AGPS: variants seen among roughly 807,000 people sequenced by gnomAD.
AGPS encodes the protein alkylglycerone phosphate synthase.
In AGPS, 26 loss-of-function variants were observed where a neutral mutation model predicts 90.7. The ratio of observed to expected loss-of-function variants is 0.29; its 90% CI spans 0.21 to 0.40. The LOEUF (loss-of-function observed/expected upper bound fraction) is 0.40. Ranked by LOEUF, AGPS falls within the 10% of genes least tolerant of loss-of-function variation. The pLI is 1.00. For missense variants in AGPS, 540 were observed against 816.1 expected, an observed-to-expected ratio of 0.66 and a Z score of 4.12; for synonymous variants, 294 against 285.3, an observed-to-expected ratio of 1.03 and a Z score of -0.31.
At chr2:177,460,733 A>C (rs1049803992) in intron 8 of AGPS, among the ~76,000 whole-genome samples, 4 of 152,190 alleles carry the variant, frequency 2.6e-5, no homozygotes, top group Non-Finnish European at 1.5e-5. Context: ...ACAGTCTGAT[A>C]ATCTTCATTT....
rs114000397 is a variant in AGPS, at chr2:177,497,809, A to G, written c.1362+44A>G. 6,739 of 1,097,704 alleles carry G rather than the reference A, an allele frequency of 6.1e-3. 31 individuals carry two copies. The highest frequency in any genetic ancestry group is 9.1e-3 in the Middle Eastern group (41 of 4,524). The allele number at this position is 1,097,704 out of a possible 1,614,324, so 68.0% of individuals were successfully genotyped here. A position where few individuals can be genotyped will look rare whatever the true frequency, so the allele number is the denominator to read the frequency against. On this transcript the variant is annotated intron_variant, in intron 13 of 19. Transcript: ENST00000264167. ...TGCTAAAATTGTAAATGCTTAAGAT[A>G]TCTGTTTTCTGCTTTCTTCCCACAT...
intron 4 of AGPS, 32 bp from the exon 5 acceptor site, chr2:177,436,948 T>C: frequency 1.2e-6 from 2 of 1,611,928 alleles, no homozygotes; most frequent in Non-Finnish European, 1.7e-6. Context: ...TAAGCTGTTT[T>C]TGTGTTTTTC....
chr2:177,518,127 C>T (rs1294789873), intron 17 of AGPS, among the ~76,000 whole-genome samples: 1 of 152,074 alleles, frequency 6.6e-6, no homozygotes, highest in Non-Finnish European at 1.5e-5. Flanking sequence ...TATTTTTCCC[C>T]ATTGTATTTA....
At chr2:177,524,306 T>A (rs2079060813) in intron 19 of AGPS, among the ~76,000 whole-genome samples, 1 of 152,222 alleles carries the variant, frequency 6.6e-6, no homozygotes, top group Non-Finnish European at 1.5e-5. Context: ...TACTTAGTGG[T>A]CATTTTGGTA....
intron 10 of AGPS, among the ~76,000 whole-genome samples, chr2:177,477,472 A>G (rs908722403): frequency 1.3e-5 from 2 of 152,138 alleles, no homozygotes; most frequent in African/African-American, 4.8e-5. Flanking sequence ...ATGCTCCAAA[A>G]TTTGAGACTT....
intron 11 of AGPS, among the ~76,000 whole-genome samples, chr2:177,484,069 T>C (rs551517011): frequency 6.6e-6 from 1 of 151,984 alleles, no homozygotes; most frequent in East Asian, 1.9e-4. Flanking sequence ...ACACAGATGT[T>C]TCCATATATA....
At chr2:177,428,328 AG>A (rs1276295324) in intron 2 of AGPS, among the ~76,000 whole-genome samples, 4 of 152,096 alleles carry the variant, frequency 2.6e-5, no homozygotes, top group Non-Finnish European at 4.4e-5. Flanking sequence ...TTTACATTTA[AG>A]GTTTTTATTA....
intron 2 of AGPS, among the ~76,000 whole-genome samples, chr2:177,420,879 A>G (rs951443308): frequency 1.3e-5 from 2 of 151,910 alleles, no homozygotes; most frequent in African/African-American, 4.8e-5. Context: ...ATAGTATTTT[A>G]AAAAATTAGC....
rs190501032 is a variant in AGPS at position 177,408,696 on chromosome 2, A to G, written c.261-11573A>G. Among the ~76,000 whole-genome samples the G allele has an allele frequency of 1.5e-3, 228 of 152,308 alleles. 2 individuals carry two copies. Among genetic ancestry groups the G allele is most frequent in the Non-Finnish European group, 1.5e-4 (10 of 68,018 alleles). On this transcript the variant is annotated intron_variant, in intron 1 of 19. Coordinates refer to ENST00000264167, the MANE Select transcript of AGPS (RefSeq NM_003659.4). The stretch of plus-strand genomic sequence containing the variant: ...TCCTCTCCTATAGTGAAGTGAATTT[A>G]AAGTTTTTCCTTTCCGTTTCTCTCT...
rs557931141 is a variant in AGPS at position 177,392,824 on chromosome 2, G to C, written c.35G>C (p.Gly12Ala). The C allele has an allele frequency of 1.3e-6, 2 of 1,551,206 alleles. No individual in the cohort carries two copies. Among genetic ancestry groups the C allele is most frequent in the South Asian group, 1.2e-5 (1 of 84,080 alleles). ...AEAAAAAGGT[G>A]LGAGASYGSA... The stretch of plus-strand genomic sequence containing the variant: ...GCGGCGGCTGCAGCGGGTGGGACTG[G>C]CTTGGGCGCGGGCGCGAGCTACGGG... The change falls in exon 1 of 20, where the codon GGC becomes GCC. Residue 12 changes from glycine to alanine, a missense_variant. Gly to Ala is a moderately conservative substitution (Grantham distance 60). This residue lies in a region of AGPS where 135 missense variants were observed against 124.0 expected (regional missense o/e 1.09). Transcript: ENST00000264167.
chr2:177,524,615 T>C (rs2079064755), intron 19 of AGPS, among the ~76,000 whole-genome samples: 1 of 152,124 alleles, frequency 6.6e-6, no homozygotes, highest in Non-Finnish European at 1.5e-5. Flanking sequence ...ATTCAACTGC[T>C]CTGGACTCCT....
chr2:177,406,898 A>G (rs1685481923), intron 1 of AGPS, among the ~76,000 whole-genome samples: 1 of 152,318 alleles, frequency 6.6e-6, no homozygotes, highest in Admixed American at 6.5e-5. Context: ...AAATTTTACC[A>G]TCTTCCAAAG....
intron 8 of AGPS, among the ~76,000 whole-genome samples, chr2:177,461,109 G>A (rs1317889391): frequency 6.6e-6 from 1 of 152,178 alleles, no homozygotes; most frequent in African/African-American, 2.4e-5. Flanking sequence ...AGATTGATGG[G>A]CTTGAGTGTA....
At chr2:177,421,459 A>C (rs1685938803) in intron 2 of AGPS, among the ~76,000 whole-genome samples, 1 of 152,026 alleles carries the variant, frequency 6.6e-6, no homozygotes, top group South Asian at 2.1e-4. Context: ...TATTTTTCTG[A>C]CATTAATATT....
chr2:177,467,027 T>C (rs1687475784), intron 9 of AGPS, among the ~76,000 whole-genome samples: 1 of 152,208 alleles, frequency 6.6e-6, no homozygotes, highest in South Asian at 2.1e-4. Context: ...GGCTTCCACC[T>C]GTTTCCAGCT....
intron 14 of AGPS, among the ~76,000 whole-genome samples, chr2:177,504,684 A>G (rs1285189303): frequency 1.3e-5 from 2 of 152,106 alleles, no homozygotes; most frequent in African/African-American, 4.8e-5. Context: ...AAAATATTTA[A>G]TTATAAGGTG....
intron 2 of AGPS, among the ~76,000 whole-genome samples, chr2:177,431,540 T>C (rs1686244698): frequency 6.6e-6 from 1 of 152,174 alleles, no homozygotes; most frequent in Non-Finnish European, 1.5e-5. Context: ...TTTCAGTCCT[T>C]ATCTCAACTG....
intron 16 of AGPS, 26 bp from the exon 17 acceptor site, chr2:177,513,793 T>C (rs1343074021): frequency 1.3e-6 from 2 of 1,545,930 alleles, no homozygotes; most frequent in South Asian, 2.2e-5. Context: ...GAAAACTTAA[T>C]ATTGTATTCA....
In AGPS at chr2:177,541,689, T is replaced by C. The variant is rs1016738425; in HGVS notation, c.*3494T>C. On this transcript the variant is annotated 3_prime_UTR_variant, in exon 20 of 20. Transcript: ENST00000264167. ...GAAAATAACAAGTGCCCATTTAGGT[T>C]TGAAGAATCCAGAATGTTTTACCTT... 6.6e-6 allele frequency: 1 copy of C among 152,200 alleles called. No homozygotes were observed. The highest frequency in any genetic ancestry group is 2.4e-5 in the African/African-American group (1 of 41,460). 9.4% of individuals were successfully genotyped at this position (152,200 alleles called of 1,614,324 possible). A position where few individuals can be genotyped will look rare whatever the true frequency, so the allele number is the denominator to read the frequency against.
Sources: allele counts gnomAD v4.1 joint callset (sites outside exome capture counted in the v4.1 genomes callset), GRCh38; gene constraint gnomAD v4.1.1; regional missense constraint gnomAD v4.1.1; transcripts MANE v1.5; gene names NCBI Gene and HGNC (gene_info 2026-07-23, HGNC 2026-07-21).